The following APBA2 variants were observed in gnomAD, a reference collection of about 807,000 sequenced individuals.
APBA2 encodes the protein amyloid beta precursor protein binding family A member 2.
A neutral mutation model predicts 75.0 loss-of-function variants in APBA2; 30 were observed. The ratio of observed to expected loss-of-function variants is 0.40; its 90% confidence interval spans 0.30 to 0.54. APBA2 has a LOEUF of 0.54. Ranked by LOEUF, APBA2 falls within the 20% of genes least tolerant of loss-of-function variation. The pLI is 0.49. For missense variants in APBA2, 801 were observed against 1,016.1 expected (o/e 0.79, Z 2.88); for synonymous variants, 444 against 409.6 (o/e 1.08, Z -1.01).
At chr15:29,105,844 T>C (rs1045270324) in intron 11 of APBA2, among the ~76,000 whole-genome samples, 1 of 152,246 alleles carries the variant, frequency 6.6e-6, no homozygotes, top group Non-Finnish European at 1.5e-5. Flanking sequence ...CCAGGAGATA[T>C]TTCTGAAAAG....
At chr15:29,026,774 A>C (rs913026230) in intron 3 of APBA2, among the ~76,000 whole-genome samples, 1 of 149,522 alleles carries the variant, frequency 6.7e-6, no homozygotes, top group African/African-American at 2.5e-5. Context: ...AAAAAAAATT[A>C]GCTGGGCATG....
intron 3 of APBA2, among the ~76,000 whole-genome samples, chr15:28,996,534 A>G (rs1289243693): frequency 6.6e-6 from 1 of 152,172 alleles, no homozygotes; most frequent in African/African-American, 2.4e-5. Context: ...CAGGTTCTGC[A>G]CTGCAGATGA....
At chr15:28,928,005 G>A (rs530853436) in intron 2 of APBA2, among the ~76,000 whole-genome samples, 50 of 151,580 alleles carry the variant, frequency 3.3e-4, no homozygotes, top group Non-Finnish European at 4.6e-4. Context: ...TTAGCCAGGC[G>A]TGATGGCGGG....
At chr15:29,012,805 A>G (rs1338840811) in intron 3 of APBA2, among the ~76,000 whole-genome samples, 1 of 152,218 alleles carries the variant, frequency 6.6e-6, no homozygotes, top group Non-Finnish European at 1.5e-5. Context: ...TTATTTCCCC[A>G]GTCCTCTGAG....
intron 2 of APBA2, among the ~76,000 whole-genome samples, chr15:28,981,351 G>T (rs1204857301): frequency 6.6e-6 from 1 of 152,156 alleles, no homozygotes. Flanking sequence ...CAAAGGACAT[G>T]AACAGACACT....
intron 1 of APBA2, among the ~76,000 whole-genome samples, chr15:28,900,588 TGTG>T (rs1276884667): frequency 2.0e-5 from 3 of 152,164 alleles, no homozygotes; most frequent in Admixed American, 6.5e-5. Context: ...CATTTGTAAA[TGTG>T]GTGATTTTTT....
chr15:29,062,366 G>A (rs533101628), intron 4 of APBA2, among the ~76,000 whole-genome samples: 13 of 152,244 alleles, frequency 8.5e-5, no homozygotes, highest in Non-Finnish European at 1.6e-4. Flanking sequence ...GGTGGACACC[G>A]CACCTCCTGC....
chr15:28,964,094 G>A (rs551539156), intron 2 of APBA2, among the ~76,000 whole-genome samples: 1 of 152,332 alleles, frequency 6.6e-6, no homozygotes, highest in East Asian at 1.9e-4. Flanking sequence ...GTTTGGGGCT[G>A]TTATGAACCC....
chr15:29,062,228 C>T (rs752008194), intron 4 of APBA2, among the ~76,000 whole-genome samples: 11 of 152,124 alleles, frequency 7.2e-5, no homozygotes, highest in South Asian at 2.1e-4. Context: ...CCACCCATGG[C>T]GTCAGGCCTA....
chr15:28,950,370 T>C (rs1256332034), intron 2 of APBA2, among the ~76,000 whole-genome samples: 1 of 151,998 alleles, frequency 6.6e-6, no homozygotes, highest in Non-Finnish European at 1.5e-5. Flanking sequence ...GGCTCATGCC[T>C]GTAATCCCAG....
chr15:29,043,422 T>A (rs2152866772), intron 3 of APBA2, among the ~76,000 whole-genome samples: 1 of 152,320 alleles, frequency 6.6e-6, no homozygotes, highest in East Asian at 1.9e-4. Flanking sequence ...CTGACAGGTA[T>A]GGCTGCCCAA....
intron 3 of APBA2, among the ~76,000 whole-genome samples, chr15:29,009,118 G>C (rs529176530): frequency 2.6e-5 from 4 of 152,332 alleles, no homozygotes; most frequent in African/African-American, 9.6e-5. Flanking sequence ...ACTCACAGAA[G>C]TTAGGGCAGT....
intron 1 of APBA2, among the ~76,000 whole-genome samples, chr15:28,905,795 C>T (rs1165592091): frequency 6.6e-6 from 1 of 152,192 alleles, no homozygotes; most frequent in East Asian, 1.9e-4. Flanking sequence ...GAGAAGGACC[C>T]TGGCTCCATC....
At chr15:29,116,475 A>G (rs987176492) in intron 14 of APBA2, among the ~76,000 whole-genome samples, 2 of 150,620 alleles carry the variant, frequency 1.3e-5, no homozygotes, top group African/African-American at 4.9e-5. Context: ...AAAATACAAA[A>G]AAATTCGCTG....
intron 2 of APBA2, among the ~76,000 whole-genome samples, chr15:28,940,356 C>CAAAAAAAAAAAAAAAAAAAA (rs398043111): frequency 2.6e-5 from 1 of 38,440 alleles, no homozygotes; most frequent in Non-Finnish European, 5.8e-5. Context: ...ACTAAAAATA[C>CAAAAAAAAAAAAAAAAAAAA]AAAAAAAAAA....
In APBA2 at chr15:28,991,808, T is replaced by C. The variant is rs965710769; in HGVS notation, c.-94-3945T>C. ...GGCCAGAGCCTCCTGTCAACAAGTA[T>C]GTCACTGCCTTCGGGTTATTATTGT... On this transcript the variant is annotated intron_variant, in intron 2 of 14. Coordinates refer to ENST00000683413, the MANE Select transcript of APBA2 (RefSeq NM_001353788.2). This position sits in a 1 kb window ranked among gnomAD's most constrained non-coding sequence, Gnocchi z 4.7. 3.9e-5 allele frequency among the ~76,000 whole-genome samples: 6 copies of C among 152,116 alleles called. No individual in the cohort carries two copies. Among genetic ancestry groups the C allele is most frequent in the Admixed American group, 6.5e-5 (1 of 15,276 alleles).
chr15:29,090,807 T>A (rs1003697990), intron 6 of APBA2, among the ~76,000 whole-genome samples: 1 of 152,068 alleles, frequency 6.6e-6, no homozygotes, highest in African/African-American at 2.4e-5. Context: ...GGCAAGGTGG[T>A]GTGAGGTAGT....
At chr15:29,043,494 C>T (rs1427875441) in intron 3 of APBA2, among the ~76,000 whole-genome samples, 1 of 152,158 alleles carries the variant, frequency 6.6e-6, no homozygotes, top group Non-Finnish European at 1.5e-5. Context: ...AGTACTATAG[C>T]CAGGAATGAC....
intron 4 of APBA2, among the ~76,000 whole-genome samples, chr15:29,066,130 C>G (rs2042370726): frequency 6.6e-6 from 1 of 152,110 alleles, no homozygotes; most frequent in African/African-American, 2.4e-5. Context: ...CATTGCGGCC[C>G]CAGTTATGTG....
Sources: allele counts gnomAD v4.1 joint callset (sites outside exome capture counted in the v4.1 genomes callset), GRCh38; gene constraint gnomAD v4.1.1; non-coding constraint Gnocchi (gnomAD v3.1); transcripts MANE v1.5; gene names NCBI Gene and HGNC (gene_info 2026-07-23, HGNC 2026-07-21).